The following PEAK1 variants were observed in gnomAD, a reference collection of about 807,000 sequenced individuals.
The protein encoded by PEAK1 is inactive tyrosine-protein kinase PEAK1.
A neutral mutation model predicts 124.7 loss-of-function variants in PEAK1; 54 were observed. The observed-to-expected ratio is 0.43, with a 90% CI of 0.35 to 0.54. The LOEUF is 0.54. Ranked by LOEUF, PEAK1 falls within the 20% of genes least tolerant of loss-of-function variation. The pLI is 0.01. For synonymous variants in PEAK1, 719 were observed against 760.0 expected (o/e 0.95, Z 0.89); for missense variants, 2,046 against 2,134.5 (o/e 0.96, Z 0.82).
intron 1 of PEAK1, among the ~76,000 whole-genome samples, chr15:77,410,037 G>T (rs1471775110): frequency 1.3e-5 from 2 of 150,722 alleles, no homozygotes; most frequent in African/African-American, 4.9e-5. Flanking sequence ...AGTAATCGTG[G>T]TTTTTTTGTT....
chr15:77,172,202 A>C (rs1362146099), intron 7 of PEAK1, among the ~76,000 whole-genome samples: 1 of 152,162 alleles, frequency 6.6e-6, no homozygotes, highest in Non-Finnish European at 1.5e-5. Flanking sequence ...GTTTGAATGG[A>C]TTTTACTCAT....
intron 5 of PEAK1, among the ~76,000 whole-genome samples, chr15:77,273,195 A>G (rs1389171692): frequency 6.6e-6 from 1 of 152,192 alleles, no homozygotes; most frequent in Non-Finnish European, 1.5e-5. Context: ...ATTCCCCCTG[A>G]AAACTGGAAC....
At chr15:77,162,405 A>C (rs1325643109) in intron 7 of PEAK1, among the ~76,000 whole-genome samples, 2 of 151,032 alleles carry the variant, frequency 1.3e-5, no homozygotes, top group Admixed American at 6.6e-5. Context: ...GAGGCAGAAG[A>C]ATCGCTTGAA....
chr15:77,259,212 T>C (rs2061319837), intron 5 of PEAK1, among the ~76,000 whole-genome samples: 2 of 152,212 alleles, frequency 1.3e-5, no homozygotes, highest in South Asian at 2.1e-4. Flanking sequence ...GCTAAAATTT[T>C]AGAATTCATA....
At chr15:77,317,288 T>C (rs1317249841) in intron 2 of PEAK1, among the ~76,000 whole-genome samples, 1 of 152,294 alleles carries the variant, frequency 6.6e-6, no homozygotes, top group Admixed American at 6.5e-5. Context: ...ATGCATTATT[T>C]TTATGAACAG....
At chr15:77,172,775 CA>C (rs2152807630) in intron 7 of PEAK1, among the ~76,000 whole-genome samples, 1 of 152,268 alleles carries the variant, frequency 6.6e-6, no homozygotes, top group South Asian at 2.1e-4. Context: ...GGAATTCTTA[CA>C]GGGTCTCACC....
At chr15:77,178,549 C>A in intron 7 of PEAK1, 1 of 502,504 alleles carries the variant, frequency 2.0e-6, no homozygotes, top group Non-Finnish European at 3.5e-6. Context: ...AGTTCCTCTG[C>A]ATTCACCAGA....
intron 2 of PEAK1, among the ~76,000 whole-genome samples, chr15:77,345,305 T>C (rs1261967011): frequency 6.6e-6 from 1 of 152,228 alleles, no homozygotes; most frequent in African/African-American, 2.4e-5. Flanking sequence ...ATTGTGTGTT[T>C]TTTGCCCTTC....
chr15:77,355,498 C>T (rs529741248), intron 2 of PEAK1, among the ~76,000 whole-genome samples: 27 of 152,222 alleles, frequency 1.8e-4, no homozygotes, highest in Admixed American at 4.6e-4. Flanking sequence ...TTTATAATTG[C>T]GCAAGTCACA....
chr15:77,122,118 C>T (rs1019756821), intron 9 of PEAK1, among the ~76,000 whole-genome samples: 2 of 152,114 alleles, frequency 1.3e-5, no homozygotes, highest in African/African-American at 4.8e-5. Flanking sequence ...CAACTATATT[C>T]AAAATAGATT....
chr15:77,257,158 A>G (rs986126091), intron 5 of PEAK1, among the ~76,000 whole-genome samples: 16 of 152,006 alleles, frequency 1.1e-4, no homozygotes, highest in African/African-American at 1.5e-4. Context: ...CCAAGTCTTT[A>G]CTATTGTGAA....
At chr15:77,157,256 G>C (rs1198857720) in intron 8 of PEAK1, 1 of 152,188 alleles carries the variant, frequency 6.6e-6, no homozygotes, top group East Asian at 1.9e-4. Context: ...AAACTTCAAT[G>C]ATAGATGCCA....
At position 77,273,325 on chromosome 15, in the gene PEAK1, T is replaced by C. The variant is rs915489088; in HGVS notation, c.-275+10558A>G. Among the ~76,000 whole-genome samples, 3 of 152,142 alleles carry C rather than the reference T, an allele frequency of 2.0e-5. No individual in the cohort carries two copies. The South Asian group carries it at 6.2e-4, about 32-fold the overall frequency. On this transcript the variant is annotated intron_variant, in intron 5 of 9. Transcript: ENST00000682557. The stretch of plus-strand genomic sequence containing the variant: ...CAAACTGGCAAAGAGGAAGTCAAAC[T>C]GTCACTGTTTGCTGATGACATAATC...
In PEAK1 at chr15:77,336,619, T is replaced by C. The variant is rs537168139; in HGVS notation, c.-603+28544A>G. Reference sequence around the variant, plus strand: ...TCCTACAGAGCAATCTGGCAATACCTGGTGAACTTAATAATGGACATCCAA... The same window carrying C: ...TCCTACAGAGCAATCTGGCAATACCCGGTGAACTTAATAATGGACATCCAA... On this transcript the variant is annotated intron_variant, in intron 2 of 9. Transcript: ENST00000682557. The C allele has an allele frequency of 7.2e-5, 62 of 859,416 alleles. 1 individual carries two copies. The South Asian group carries it at 2.9e-3, about 40-fold the overall frequency. The allele number at this position is 859,416 out of a possible 1,614,324, so 53.2% of individuals were successfully genotyped here. A position where few individuals can be genotyped will look rare whatever the true frequency, so the allele number is the denominator to read the frequency against.
intron 5 of PEAK1, chr15:77,278,832 GTTTTTT>G (rs34583265): frequency 1.8e-5 from 4 of 226,020 alleles, no homozygotes; most frequent in South Asian, 4.3e-5. Flanking sequence ...AATTTTGTGG[GTTTTTT>G]TTTTTTTTTT....
chr15:77,345,196 G>GT, intron 2 of PEAK1, among the ~76,000 whole-genome samples: 2 of 152,218 alleles, frequency 1.3e-5, no homozygotes, highest in East Asian at 3.9e-4. Context: ...CCTACATTAT[G>GT]TTGAGGTAGT....
chr15:77,317,518 C>T (rs2064951680), intron 2 of PEAK1, among the ~76,000 whole-genome samples: 1 of 152,108 alleles, frequency 6.6e-6, no homozygotes, highest in Non-Finnish European at 1.5e-5. Context: ...TTCATCCTGA[C>T]AATTACCTTA....
intron 6 of PEAK1, among the ~76,000 whole-genome samples, chr15:77,252,027 C>T (rs561967090): frequency 2.0e-5 from 3 of 152,356 alleles, no homozygotes; most frequent in Admixed American, 2.0e-4. Context: ...CTCTGGCTTG[C>T]CCTTTAATTC....
In PEAK1 at chr15:77,278,904, C is replaced by T. The variant is rs549335714; in HGVS notation, c.-275+4979G>A. ...CTGGAGTGCAATGGCATCATCTCTG[C>T]TCACTGCAACCTCCGCCTCCTGGGT... is the stretch of plus-strand genomic sequence containing the variant. On this transcript the variant is annotated intron_variant, in intron 5 of 9. Transcript: ENST00000682557. The T allele has an allele frequency of 6.8e-5, 17 of 248,386 alleles. No homozygotes were observed. In the South Asian group the frequency reaches 7.3e-4, roughly 11 times the overall value. The allele number at this position is 248,386 out of a possible 1,614,324, so 15.4% of individuals were successfully genotyped here. A position where few individuals can be genotyped will look rare whatever the true frequency, so the allele number is the denominator to read the frequency against.
Sources: allele counts gnomAD v4.1 joint callset (sites outside exome capture counted in the v4.1 genomes callset), GRCh38; gene constraint gnomAD v4.1.1; transcripts MANE v1.5; gene names NCBI Gene and HGNC (gene_info 2026-07-23, HGNC 2026-07-21).